The following DRC11 variants were observed in gnomAD, a reference collection of about 807,000 sequenced individuals.
DRC11 encodes dynein regulatory complex subunit 11.
At chr2:236,471,219 A>G in the DRC11 span, among the ~76,000 whole-genome samples, 1 of 151,922 alleles carries the variant, frequency 6.6e-6, no homozygotes, top group Non-Finnish European at 1.5e-5. This position sits in a 1 kb window ranked among gnomAD's most constrained non-coding sequence, Gnocchi z 4.6. Flanking sequence ...TGAGGCATCT[A>G]TTTCTGGAGT....
At chr2:236,501,495 G>A in the DRC11 span, among the ~76,000 whole-genome samples, 1 of 152,176 alleles carries the variant, frequency 6.6e-6, no homozygotes, top group Non-Finnish European at 1.5e-5. Flanking sequence ...CTGACATTCT[G>A]CTTGTCCCAC....
At chr2:236,316,145 T>TTCTCTC in the DRC11 span, among the ~76,000 whole-genome samples, 3,535 of 146,172 alleles carry the variant, frequency 0.024, 143 homozygotes, top group African/African-American at 0.083. This position sits in a 1 kb window ranked among gnomAD's most constrained non-coding sequence, Gnocchi z 6.8. Context: ...ACTTATTTTC[T>TTCTCTC]TCTCTCTCTC....
chr2:236,416,768 T>TAA, the DRC11 span, among the ~76,000 whole-genome samples: 472 of 92,866 alleles, frequency 5.1e-3, 18 homozygotes, highest in Non-Finnish European at 7.5e-3. Context: ...TATATATATA[T>TAA]AAATAATTTT....
chr2:236,500,968 G>A, the DRC11 span, among the ~76,000 whole-genome samples: 1 of 152,190 alleles, frequency 6.6e-6, no homozygotes, highest in Admixed American at 6.5e-5. This position sits in a 1 kb window ranked among gnomAD's most constrained non-coding sequence, Gnocchi z 6.3. Context: ...AAAGTGCTGG[G>A]ATTACAGGTG....
chr2:236,330,849 G>T, the DRC11 span, among the ~76,000 whole-genome samples: 2 of 152,152 alleles, frequency 1.3e-5, no homozygotes, highest in Non-Finnish European at 2.9e-5. This position sits in a 1 kb window ranked among gnomAD's most constrained non-coding sequence, Gnocchi z 5.5. Context: ...GTTTCCTTCA[G>T]ATCCAAAAAG....
chr2:236,418,628 C>G, the DRC11 span, among the ~76,000 whole-genome samples: 3 of 152,290 alleles, frequency 2.0e-5, no homozygotes, highest in Non-Finnish European at 2.9e-5. Context: ...CTTCCAACCC[C>G]CCTACACGAC....
chr2:236,357,798 T>A, the DRC11 span, among the ~76,000 whole-genome samples: 6 of 126,534 alleles, frequency 4.7e-5, no homozygotes, highest in African/African-American at 1.9e-4. Flanking sequence ...ATACATATAC[T>A]ATATAAATAT....
chr2:236,408,697 T>C, the DRC11 span: 1 of 718,042 alleles, frequency 1.4e-6, no homozygotes, highest in Non-Finnish European at 2.6e-6. This position sits in a 1 kb window ranked among gnomAD's most constrained non-coding sequence, Gnocchi z 5.5. Flanking sequence ...GCCTCCTTCT[T>C]AGATTTATGC....
the DRC11 span, among the ~76,000 whole-genome samples, chr2:236,310,796 A>G: frequency 6.6e-6 from 1 of 152,250 alleles, no homozygotes; most frequent in South Asian, 2.1e-4. The surrounding 1 kb of genome is among the most constrained non-coding windows in gnomAD (Gnocchi z 5.5). Flanking sequence ...CACAAAAGCT[A>G]GGCGAGGGTA....
the DRC11 span, among the ~76,000 whole-genome samples, chr2:236,335,394 A>G: frequency 6.6e-6 from 1 of 152,214 alleles, no homozygotes; most frequent in Non-Finnish European, 1.5e-5. The surrounding 1 kb of genome is among the most constrained non-coding windows in gnomAD (Gnocchi z 5.6). Flanking sequence ...TCCCCAAGAC[A>G]GAAATATTGA....
the DRC11 span, among the ~76,000 whole-genome samples, chr2:236,348,440 G>A: frequency 3.9e-5 from 6 of 152,194 alleles, no homozygotes; most frequent in African/African-American, 9.7e-5. The surrounding 1 kb of genome is among the most constrained non-coding windows in gnomAD (Gnocchi z 7.4). Flanking sequence ...CACTCCAACC[G>A]GGAAATGCAC....
chr2:236,341,532 A>G, the DRC11 span, among the ~76,000 whole-genome samples: 1 of 152,202 alleles, frequency 6.6e-6, no homozygotes, highest in African/African-American at 2.4e-5. Context: ...TGAGGGGAAC[A>G]GGAGTGTGTG....
the DRC11 span, among the ~76,000 whole-genome samples, chr2:236,341,701 A>G: frequency 3.3e-5 from 5 of 152,188 alleles, no homozygotes; most frequent in African/African-American, 1.2e-4. Context: ...CCCAATGGGC[A>G]GAAGGCGAAG....
At chr2:236,438,202 C>A in the DRC11 span, among the ~76,000 whole-genome samples, 1 of 141,160 alleles carries the variant, frequency 7.1e-6, no homozygotes, top group African/African-American at 2.7e-5. Context: ...AAAAGGGAAT[C>A]CTTTCCCCAT....
the DRC11 span, among the ~76,000 whole-genome samples, chr2:236,435,955 A>C: frequency 6.6e-6 from 1 of 152,204 alleles, no homozygotes; most frequent in East Asian, 1.9e-4. Flanking sequence ...GCACATACAC[A>C]TGAAAAGTTT....
the DRC11 span, among the ~76,000 whole-genome samples, chr2:236,423,818 T>C: frequency 1.3e-5 from 2 of 151,874 alleles, no homozygotes; most frequent in East Asian, 1.9e-4. Context: ...CCAACAACGA[T>C]AGACTGTATT....
the DRC11 span, among the ~76,000 whole-genome samples, chr2:236,401,147 G>A: frequency 6.6e-6 from 1 of 152,090 alleles, no homozygotes; most frequent in Non-Finnish European, 1.5e-5. The surrounding 1 kb of genome is among the most constrained non-coding windows in gnomAD (Gnocchi z 4.6). Flanking sequence ...CACAGGTGTG[G>A]TCCCTCAGGA....
At chr2:236,326,792 TTGTGTGTGTGTGTGTGTGTG>T in the DRC11 span, among the ~76,000 whole-genome samples, 2,646 of 144,072 alleles carry the variant, frequency 0.018, 96 homozygotes, top group African/African-American at 0.065. Context: ...TTCAGATTTG[TTGTGTGTGTGTGTGTGTGTG>T]TGTGTGTGTG....
At chr2:236,349,009 C>A in the DRC11 span, among the ~76,000 whole-genome samples, 2 of 152,142 alleles carry the variant, frequency 1.3e-5, no homozygotes, top group African/African-American at 4.8e-5. This position sits in a 1 kb window ranked among gnomAD's most constrained non-coding sequence, Gnocchi z 5.5. Context: ...CTCCCTCCAT[C>A]CTGCCTCCTG....
Sources: allele counts gnomAD v4.1 joint callset (sites outside exome capture counted in the v4.1 genomes callset), GRCh38; gene constraint gnomAD v4.1.1; non-coding constraint Gnocchi (gnomAD v3.1); transcripts MANE v1.5; gene names NCBI Gene and HGNC (gene_info 2026-07-23, HGNC 2026-07-21).